Variants in SRGAP3 observed in about 807,000 individuals in gnomAD.
SRGAP3 encodes SLIT-ROBO Rho GTPase-activating protein 3.
In SRGAP3, 39 loss-of-function variants were observed where a neutral mutation model predicts 121.1. That is an observed-to-expected ratio of 0.32 (90% CI 0.25 to 0.42). SRGAP3 has a LOEUF of 0.42. Among genes scored for constraint, SRGAP3 ranks in the 10% least tolerant of loss-of-function variants. The pLI is 1.00. For missense variants in SRGAP3, 1,213 were observed against 1,470.6 expected (o/e 0.82, Z 2.86); for synonymous variants, 601 against 570.0 (o/e 1.05, Z -0.77).
chr3:9,336,508 C>T (rs1268897492), intron 1 of SRGAP3, among the ~76,000 whole-genome samples: 1 of 151,840 alleles, frequency 6.6e-6, no homozygotes, highest in African/African-American at 2.4e-5. Context: ...AGACACCATG[C>T]CTGGCTGAAG....
intron 7 of SRGAP3, among the ~76,000 whole-genome samples, chr3:9,057,926 C>A (rs1035272164): frequency 2.6e-5 from 4 of 152,270 alleles, no homozygotes; most frequent in East Asian, 3.9e-4. Context: ...CAGTGAGGCC[C>A]AGGCTTCCCG....
rs1426443237 is a variant in SRGAP3, at chr3:9,256,581, A to T, written n.442+69429T>A. Among the ~76,000 whole-genome samples the T allele has an allele frequency of 2.0e-5, 3 of 151,772 alleles. No homozygotes were observed. The East Asian group carries it at 5.9e-4, about 30-fold the overall frequency. ...AGTTTCTAGAGCTGATATTTGCAGC[A>T]TGGCTTCCACTGGGTTTGAGGGAAT... is the stretch of plus-strand genomic sequence containing the variant. On this transcript the variant is annotated intron_variant and non_coding_transcript_variant, in intron 3 of 3. Transcript: ENST00000490889.
At chr3:9,256,895 A>G in intron 3 of SRGAP3, 1 of 398,566 alleles carries the variant, frequency 2.5e-6, no homozygotes, top group Non-Finnish European at 4.4e-6. Context: ...TAAAGCTTAC[A>G]CTTTAAGAAA....
intron 1 of SRGAP3, among the ~76,000 whole-genome samples, chr3:9,138,027 T>TG (rs1358312075): frequency 6.6e-6 from 1 of 152,258 alleles, no homozygotes; most frequent in African/African-American, 2.4e-5. Context: ...GATTCATTAA[T>TG]GCTGAATTTC....
chr3:9,204,387 T>C (rs1952187246), intron 1 of SRGAP3, among the ~76,000 whole-genome samples: 2 of 152,152 alleles, frequency 1.3e-5, no homozygotes, highest in Admixed American at 1.3e-4. Context: ...CAGGCCTCCC[T>C]GACTGCCACC....
chr3:9,014,721 T>TA (rs962102359), intron 15 of SRGAP3: 1 of 151,958 alleles, frequency 6.6e-6, no homozygotes, highest in African/African-American at 2.4e-5. Flanking sequence ...ACACACACAA[T>TA]AAAAAAGAGC....
chr3:9,308,849 A>G (rs1043387315), intron 3 of SRGAP3, among the ~76,000 whole-genome samples: 1 of 151,924 alleles, frequency 6.6e-6, no homozygotes, highest in African/African-American at 2.4e-5. Context: ...TCCCAACCCC[A>G]CAGCCCATCG....
chr3:9,113,916 A>T (rs1308447283), intron 2 of SRGAP3, among the ~76,000 whole-genome samples: 1 of 152,140 alleles, frequency 6.6e-6, no homozygotes, highest in African/African-American at 2.4e-5. Context: ...TTACTTTATA[A>T]ATATTTACTT....
intron 11 of SRGAP3, chr3:9,036,026 C>T (rs1944726543): frequency 6.6e-6 from 1 of 152,228 alleles, no homozygotes; most frequent in African/African-American, 2.4e-5. Flanking sequence ...CTTATATTTG[C>T]ATCTTGCTTT....
chr3:9,002,104 T>C (rs1242763764), intron 18 of SRGAP3, among the ~76,000 whole-genome samples: 1 of 152,178 alleles, frequency 6.6e-6, no homozygotes, highest in Non-Finnish European at 1.5e-5. Context: ...AGCAAGAGAC[T>C]ATACATTCTT....
At chr3:8,999,260 G>A (rs1191627324) in intron 18 of SRGAP3, among the ~76,000 whole-genome samples, 1 of 152,246 alleles carries the variant, frequency 6.6e-6, no homozygotes, top group Non-Finnish European at 1.5e-5. Context: ...GGAGGGATTG[G>A]AGGGGAGAGG....
intron 2 of SRGAP3, 30 bp downstream of exon 2, chr3:9,124,695 A>G: frequency 1.2e-6 from 2 of 1,613,248 alleles, no homozygotes; most frequent in African/African-American, 1.3e-5. Flanking sequence ...GCTGCCTCCC[A>G]TCTCTGTGCA....
chr3:9,083,383 G>A (rs1947324771), intron 3 of SRGAP3, among the ~76,000 whole-genome samples: 2 of 152,206 alleles, frequency 1.3e-5, no homozygotes, highest in Non-Finnish European at 2.9e-5. Flanking sequence ...AGAGGCAACT[G>A]CTACAAAAAA....
chr3:9,259,957 T>C (rs986008373), intron 3 of SRGAP3, among the ~76,000 whole-genome samples: 1 of 150,446 alleles, frequency 6.6e-6, no homozygotes, highest in African/African-American at 2.5e-5. Context: ...ACCCACCTCA[T>C]CTCATTGGGC....
chr3:9,072,513 C>T (rs774226350), intron 4 of SRGAP3, among the ~76,000 whole-genome samples: 3 of 152,210 alleles, frequency 2.0e-5, no homozygotes, highest in African/African-American at 4.8e-5. Flanking sequence ...GGACCAGTTC[C>T]GTCCCTGGAT....
intron 19 of SRGAP3, among the ~76,000 whole-genome samples, chr3:8,993,386 G>A (rs6763354): frequency 0.051 from 7,797 of 152,268 alleles, 229 homozygotes; most frequent in African/African-American, 0.06. Context: ...GATGGAGTCC[G>A]CAGGCTGAGC....
At chr3:9,286,775 C>T (rs578196347) in intron 3 of SRGAP3, among the ~76,000 whole-genome samples, 149 of 150,136 alleles carry the variant, frequency 9.9e-4, no homozygotes, top group African/African-American at 3.5e-3. Context: ...GCTAATTTTT[C>T]GTATTTTTAG....
intron 1 of SRGAP3, among the ~76,000 whole-genome samples, chr3:9,344,846 C>T (rs989090663): frequency 1.3e-5 from 2 of 151,994 alleles, no homozygotes; most frequent in African/African-American, 4.8e-5. Context: ...ACCATCCTGG[C>T]CAACATGGTG....
chr3:9,215,151 G>C (rs941228556), intron 1 of SRGAP3, among the ~76,000 whole-genome samples: 6 of 152,182 alleles, frequency 3.9e-5, no homozygotes, highest in African/African-American at 1.4e-4. Context: ...AAAAGAAAGA[G>C]AATGAGAAGG....
Sources: allele counts gnomAD v4.1 joint callset (sites outside exome capture counted in the v4.1 genomes callset), GRCh38; gene constraint gnomAD v4.1.1; transcripts MANE v1.5; gene names NCBI Gene and HGNC (gene_info 2026-07-23, HGNC 2026-07-21).